The following HDAC4 variants were observed in gnomAD, a reference collection of about 807,000 sequenced individuals.
HDAC4 encodes histone deacetylase A.
A neutral mutation model predicts 135.1 loss-of-function variants in HDAC4; 16 were observed. The observed-to-expected ratio is 0.12, with a 90% CI of 0.08 to 0.18. HDAC4 has a LOEUF of 0.18. Ranked by LOEUF, HDAC4 falls within the 10% of genes least tolerant of loss-of-function variation. The probability of loss-of-function intolerance (pLI) is 1.00; values close to 1 mark genes in which losing one functional copy is unlikely to be tolerated. For missense variants in HDAC4, 1,143 were observed against 1,511.8 expected, an observed-to-expected ratio of 0.76 and a Z score of 4.05; for synonymous variants, 685 against 653.4, an observed-to-expected ratio of 1.05 and a Z score of -0.74.
chr2:239,342,989 G>C (rs1456877863), intron 2 of HDAC4, among the ~76,000 whole-genome samples: 1 of 152,172 alleles, frequency 6.6e-6, no homozygotes, highest in Non-Finnish European at 1.5e-5. Context: ...TCCTAAAAAG[G>C]GGGAAGGAGA....
intron 2 of HDAC4, among the ~76,000 whole-genome samples, chr2:239,291,345 G>C (rs930363444): frequency 6.6e-6 from 1 of 152,248 alleles, no homozygotes; most frequent in African/African-American, 2.4e-5. Flanking sequence ...CGACACCACA[G>C]GCTTGCTGAA....
rs546764037 is a variant in HDAC4, at chr2:239,295,913, C to T, written c.22+56765G>A. 2.6e-5 allele frequency among the ~76,000 whole-genome samples: 4 copies of T among 152,350 alleles called. No homozygotes were observed. The East Asian group carries it at 7.7e-4, about 29-fold the overall frequency. ...TCTTCACTGCTCTGTCACCAACTCA[C>T]ACTTCATTTGCAACAGCTTCTTACA... On this transcript the variant is annotated intron_variant, in intron 2 of 26. Transcript: ENST00000543185.
At chr2:239,272,014 A>G (rs1305627001) in intron 2 of HDAC4, among the ~76,000 whole-genome samples, 2 of 152,190 alleles carry the variant, frequency 1.3e-5, no homozygotes, top group African/African-American at 2.4e-5. Flanking sequence ...AAAAATCAAC[A>G]AAGAAACCCA....
At chr2:239,358,719 G>C (rs1406793440) in intron 1 of HDAC4, among the ~76,000 whole-genome samples, 1 of 152,130 alleles carries the variant, frequency 6.6e-6, no homozygotes, top group Non-Finnish European at 1.5e-5. Context: ...CTCTTTCCTT[G>C]TTTTTATTAA....
rs763215549 is a variant in HDAC4, at chr2:239,102,916, GAC to G, written c.2113-22_2113-21del. 4.9e-5 allele frequency: 79 copies of G among 1,613,488 alleles called. No homozygotes were observed. The highest frequency in any genetic ancestry group is 6.6e-5 in the Non-Finnish European group (78 of 1,179,960). On this transcript the variant is annotated intron_variant, in intron 15 of 26. Transcript: ENST00000543185. ...GATGCACTGTGGGGACAGGCGAGAG[GAC>G]ACTCACACGTTCTGCAGAAGCTGCT...
intron 2 of HDAC4, among the ~76,000 whole-genome samples, chr2:239,282,983 C>T (rs1456032973): frequency 1.3e-5 from 2 of 151,520 alleles, no homozygotes; most frequent in African/African-American, 4.8e-5. Context: ...TCTCAATGTA[C>T]GTACCACTCT....
At chr2:239,142,472 C>T (rs1263248085) in intron 8 of HDAC4, among the ~76,000 whole-genome samples, 1 of 152,236 alleles carries the variant, frequency 6.6e-6, no homozygotes, top group African/African-American at 2.4e-5. Context: ...CTGCCCCAGC[C>T]CCACTCACCC....
At chr2:239,223,973 G>A (rs1026312584) in intron 3 of HDAC4, among the ~76,000 whole-genome samples, 1 of 152,074 alleles carries the variant, frequency 6.6e-6, no homozygotes, top group African/African-American at 2.4e-5. Flanking sequence ...CCCAGCGCAG[G>A]CCCCTCCCAC....
At chr2:239,392,754 G>A (rs984541533) in intron 1 of HDAC4, among the ~76,000 whole-genome samples, 2 of 152,226 alleles carry the variant, frequency 1.3e-5, no homozygotes, top group Non-Finnish European at 2.9e-5. Context: ...GCCACAGGGA[G>A]GACTGAGGCT....
At chr2:239,278,102 C>T (rs1379890168) in intron 2 of HDAC4, among the ~76,000 whole-genome samples, 8 of 151,968 alleles carry the variant, frequency 5.3e-5, no homozygotes, top group African/African-American at 1.9e-4. Context: ...CCTGGAGGCT[C>T]AGGGTGTCTT....
At chr2:239,160,975 C>T (rs547615982) in intron 6 of HDAC4, among the ~76,000 whole-genome samples, 17 of 152,334 alleles carry the variant, frequency 1.1e-4, no homozygotes, top group African/African-American at 2.9e-4. Flanking sequence ...TGTTTCACTC[C>T]GGCCATCCCC....
chr2:239,282,906 A>G (rs2050894603), intron 2 of HDAC4, among the ~76,000 whole-genome samples: 1 of 135,896 alleles, frequency 7.4e-6, no homozygotes, highest in Non-Finnish European at 1.6e-5. Context: ...TGAACACACC[A>G]CTCTACACAC....
intron 3 of HDAC4, among the ~76,000 whole-genome samples, chr2:239,213,155 G>T (rs2046432770): frequency 2.0e-5 from 3 of 149,168 alleles, no homozygotes; most frequent in Admixed American, 2.0e-4. Flanking sequence ...CACGATGCTG[G>T]AAGGAAGGAC....
rs1320691948 is a variant in HDAC4 at position 239,146,254 on chromosome 2, A to G, written c.734-1540T>C. ...AAACAAAACCAAAAAAAACAAGCCA[A>G]AAAACCCAACTGATGACTAGGCAAG... On this transcript the variant is annotated intron_variant, in intron 7 of 26. Transcript: ENST00000543185. The surrounding 1 kb of genome is among the most constrained non-coding windows in gnomAD (Gnocchi z 4.5). Among the ~76,000 whole-genome samples, 1 of 152,196 alleles carries G rather than the reference A, an allele frequency of 6.6e-6. No individual in the cohort carries two copies. The highest frequency in any genetic ancestry group is 2.4e-5 in the African/African-American group (1 of 41,444).
chr2:239,110,545 T>C (rs1012631253), intron 14 of HDAC4, among the ~76,000 whole-genome samples: 6 of 152,350 alleles, frequency 3.9e-5, no homozygotes, highest in African/African-American at 4.8e-5. Flanking sequence ...AGCAGCATTT[T>C]ACTTGCTGGA....
At chr2:239,169,212 G>A (rs2043296616) in intron 5 of HDAC4, among the ~76,000 whole-genome samples, 1 of 152,222 alleles carries the variant, frequency 6.6e-6, no homozygotes, top group African/African-American at 2.4e-5. Flanking sequence ...TCTTTGATAA[G>A]CAACTATTTT....
chr2:239,066,071 C>G (rs572537148), intron 24 of HDAC4, among the ~76,000 whole-genome samples: 2 of 152,328 alleles, frequency 1.3e-5, no homozygotes, highest in Admixed American at 6.5e-5. Flanking sequence ...GGAGGCCCTG[C>G]TGGGAGCAGG....
At chr2:239,253,759 C>T (rs968841697) in intron 2 of HDAC4, among the ~76,000 whole-genome samples, 1 of 152,178 alleles carries the variant, frequency 6.6e-6, no homozygotes, top group East Asian at 1.9e-4. Context: ...AGAAAGCAAA[C>T]GGCCCTCTGA....
chr2:239,335,529 A>C (rs1425856212), intron 2 of HDAC4, among the ~76,000 whole-genome samples: 1 of 146,878 alleles, frequency 6.8e-6, no homozygotes, highest in Non-Finnish European at 1.5e-5. Context: ...AAAAAAAAAA[A>C]ACACCATTAA....
Sources: allele counts gnomAD v4.1 joint callset (sites outside exome capture counted in the v4.1 genomes callset), GRCh38; gene constraint gnomAD v4.1.1; non-coding constraint Gnocchi (gnomAD v3.1); transcripts MANE v1.5; gene names NCBI Gene and HGNC (gene_info 2026-07-23, HGNC 2026-07-21).